The following SNAI1 variants were observed in gnomAD, a reference collection of about 807,000 sequenced individuals.
SNAI1 encodes the protein snail family transcriptional repressor 1, also known as zinc finger protein SNAI1.
In SNAI1, 15 loss-of-function variants were observed where a neutral mutation model predicts 24.7. The ratio of observed to expected loss-of-function variants is 0.61; its 90% CI spans 0.41 to 0.93. The LOEUF (loss-of-function observed/expected upper bound fraction) is 0.93. SNAI1 is among the 40% of genes least tolerant of loss of function. SNAI1 has a pLI of 0.00. For missense variants in SNAI1, 283 were observed against 336.7 expected (o/e 0.84, Z 1.25); for synonymous variants, 163 against 142.9 (o/e 1.14, Z -1.00).
intron 2 of SNAI1, 52 bp downstream of exon 2, chr20:49,984,403 G>A: frequency 6.7e-7 from 1 of 1,488,998 alleles, no homozygotes; most frequent in Non-Finnish European, 9.0e-7. Context: ...CAGCTTTTGT[G>A]AATCTGGGCT....
chr20:49,984,493 T>C (rs1044865966), intron 2 of SNAI1, 142 bp downstream of exon 2: 53 of 861,460 alleles, frequency 6.2e-5, no homozygotes, highest in Non-Finnish European at 8.3e-5. Context: ...GGCCTGGCTC[T>C]CTGGAAACGT....
In SNAI1 at chr20:49,984,160, C is replaced by T. The variant is rs1485334243; in HGVS notation, c.419C>T (p.Ala140Val). ...TTGGGCCAAGTGCCCAAGCAGCTGG[C>T]CCAGCTCTCTGAGGCCAAGGATCTC... The part of the protein sequence containing the change: ...PGLGQVPKQL[A>V]QLSEAKDLQA... The change falls in exon 2 of 3, where the codon GCC (alanine) becomes GTC (valine). Residue 140 changes from alanine (A) to valine (V), a missense_variant. By Grantham distance (64) the Ala-to-Val change is moderately conservative. Transcript: ENST00000244050. 6.2e-7 allele frequency: 1 copy of T among 1,614,126 alleles called. No individual in the cohort carries two copies. The highest frequency in any genetic ancestry group is 1.7e-5 in the Admixed American group (1 of 60,016).
rs367837876 is a variant in SNAI1, at chr20:49,986,412, C to T, written c.611-1460C>T. Among the ~76,000 whole-genome samples, 186 of 152,260 alleles carry T rather than the reference C, an allele frequency of 1.2e-3. 4 individuals are homozygous for T. Among genetic ancestry groups the T allele is most frequent in the Middle Eastern group, 0.01 (3 of 294 alleles). ...ATTGGAGCCATCCTCTGGACTCTCT[C>T]CTACCCTGGTAGCTCAGTGTGGCAC... On this transcript the variant is annotated intron_variant, in intron 2 of 2. Transcript: ENST00000244050.
chr20:49,982,992 C>A lies in SNAI1; in HGVS notation c.-68C>A. ...CGCTGCTGCATTCATTGCGCCGCGG[C>A]ACGGCCTAGCGAGTGGTTCTTCTGC... On this transcript the variant is annotated 5_prime_UTR_variant, in exon 1 of 3. Transcript: ENST00000244050. The A allele has an allele frequency of 3.6e-6, 4 of 1,098,192 alleles. No homozygotes were observed. Among genetic ancestry groups the A allele is most frequent in the Non-Finnish European group, 5.4e-6 (4 of 741,238 alleles). The allele number at this position is 1,098,192 out of a possible 1,614,324, so 68.0% of individuals were successfully genotyped here. A position where few individuals can be genotyped will look rare whatever the true frequency, so the allele number is the denominator to read the frequency against.
Position 49,987,120 on chromosome 20 carries a change from A to C in SNAI1, c.611-752A>C, listed in dbSNP as rs539712513. On this transcript the variant is annotated intron_variant, in intron 2 of 2. Transcript: ENST00000244050. ...GGGCCCAGGCCCTGGGCTGGGGCTC[A>C]GAAGGGACTCAAAGGAGGCCCTTGC... 2.4e-3 allele frequency among the ~76,000 whole-genome samples: 367 copies of C among 152,328 alleles called. 1 individual carries two copies. Among genetic ancestry groups the C allele is most frequent in the African/African-American group, 7.8e-3 (326 of 41,566 alleles).
chr20:49,983,262 C>A, intron 1 of SNAI1, 121 bp downstream of exon 1: 2 of 787,878 alleles, frequency 2.5e-6, no homozygotes, highest in South Asian at 1.5e-5. Context: ...GTTTTGTGGA[C>A]CATTGCGGGC....
At position 49,987,897 on chromosome 20, in the gene SNAI1, C is replaced by G. The variant is rs1198641175; in HGVS notation, c.636C>G (p.His212Gln). ...HTGEKPFSCP[H>Q]CSRAFADRSN... ...GCGAGAAGCCCTTCTCCTGTCCCCA[C>G]TGCAGCCGTGCCTTCGCTGACCGCT... The change falls in exon 3 of 3, where the codon CAC becomes CAG. Residue 212 changes from histidine (H) to glutamine (Q), a missense_variant. By Grantham distance (24) the His-to-Gln change is conservative (BLOSUM62 0). Coordinates refer to ENST00000244050, the MANE Select transcript of SNAI1 (RefSeq NM_005985.4). The G allele has an allele frequency of 6.2e-7, 1 of 1,614,140 alleles. No homozygotes were observed. Among genetic ancestry groups the G allele is most frequent in the Non-Finnish European group, 8.5e-7 (1 of 1,180,016 alleles).
rs773103954 is a variant in SNAI1, at chr20:49,983,096, C to T, written c.37C>T (p.Pro13Ser). Residue 13 changes from proline to serine, a missense_variant, in exon 1 of 3, where the codon CCC becomes TCC. Transcript: ENST00000244050. ...RSFLVRKPSD[P>S]NRKPNYSELQ... ...TTTCCTCGTCAGGAAGCCCTCCGAC[C>T]CCAATCGGAAGCCTAACTACAGCGA... The T allele has an allele frequency of 1.9e-6, 3 of 1,613,870 alleles. No individual in the cohort carries two copies. Among genetic ancestry groups the T allele is most frequent in the Non-Finnish European group, 1.7e-6 (2 of 1,179,958 alleles).
rs1600889420 is a variant in SNAI1, at chr20:49,988,614, C to T, written c.*558C>T. 1 of 152,776 alleles carries T rather than the reference C, an allele frequency of 6.5e-6. No homozygotes were observed. The highest frequency in any genetic ancestry group is 6.5e-5 in the Admixed American group (1 of 15,286). The allele number at this position is 152,776 out of a possible 1,614,324, so 9.5% of individuals were successfully genotyped here. On this transcript the variant is annotated 3_prime_UTR_variant, in exon 3 of 3. Coordinates refer to ENST00000244050, the MANE Select transcript of SNAI1 (RefSeq NM_005985.4). ...CAGCCTCCTGTTTGGTGGGGTGGCA[C>T]CTGTTTCCCGGGCAATTTAACAATG...
Position 49,987,962 on chromosome 20 carries a change from A to G in SNAI1, c.701A>G (p.Lys234Arg). The change falls in exon 3 of 3, where the codon AAG becomes AGG. Residue 234 changes from lysine (K) to arginine (R), a missense_variant. Transcript: ENST00000244050. The part of the protein sequence containing the change: ...RAHLQTHSDV[K>R]KYQCQACART... The stretch of plus-strand genomic sequence containing the variant: ...CACCTCCAGACCCACTCAGATGTCA[A>G]GAAGTACCAGTGCCAGGCGTGTGCT... 6.2e-7 allele frequency: 1 copy of G among 1,614,020 alleles called. No homozygotes were observed. The highest frequency in any genetic ancestry group is 8.5e-7 in the Non-Finnish European group (1 of 1,179,986).
chr20:49,983,011 C>T lies in SNAI1; in HGVS notation c.-49C>T, dbSNP rs528419106. On this transcript the variant is annotated 5_prime_UTR_variant, in exon 1 of 3. Transcript: ENST00000244050. ...CCGCGGCACGGCCTAGCGAGTGGTT[C>T]TTCTGCGCTACTGCTGCGCGAATCG... 3.0e-5 allele frequency: 40 copies of T among 1,340,528 alleles called. No individual in the cohort carries two copies. Among genetic ancestry groups the T allele is most frequent in the Admixed American group, 9.1e-5 (5 of 55,114 alleles). 83.0% of individuals were successfully genotyped at this position (1,340,528 alleles called of 1,614,324 possible). A position where few individuals can be genotyped will look rare whatever the true frequency, so the allele number is the denominator to read the frequency against.
rs771223681 is a variant in SNAI1, at chr20:49,983,803, ACT to A, written c.83-18_83-17del. 7.7e-6 allele frequency: 12 copies of A among 1,556,264 alleles called. No individual in the cohort carries two copies. The highest frequency in any genetic ancestry group is 1.4e-5 in the African/African-American group (1 of 73,240). On this transcript the variant is annotated intron_variant, in intron 1 of 2. Coordinates refer to ENST00000244050, the MANE Select transcript of SNAI1 (RefSeq NM_005985.4). ...GAGTGAATGATTTAATTAACGCCTG[ACT>A]CTGCTTTTTCTCCCTCAGAGTTTAC...
intron 2 of SNAI1, among the ~76,000 whole-genome samples, chr20:49,985,722 G>A (rs1298019223): frequency 2.0e-5 from 3 of 152,220 alleles, no homozygotes; most frequent in Admixed American, 6.5e-5. Flanking sequence ...AGGTGCATGG[G>A]GCAGCGGTGC....
At chr20:49,986,792 C>T (rs2078335294) in intron 2 of SNAI1, among the ~76,000 whole-genome samples, 1 of 152,120 alleles carries the variant, frequency 6.6e-6, no homozygotes, top group South Asian at 2.1e-4. Flanking sequence ...TAATGGGTTA[C>T]TGTTATGACC....
Position 49,983,938 on chromosome 20 carries a change from C to A in SNAI1, c.197C>A (p.Ala66Glu), listed in dbSNP as rs34261470. Reference protein sequence around the residue: ...LPMLIWDSVLAPQAQPIAWAS... With the variant: ...LPMLIWDSVLEPQAQPIAWAS... ...ATGCTCATCTGGGACTCTGTCCTGG[C>A]GCCCCAAGCCCAGCCAATTGCCTGG... is the stretch of plus-strand genomic sequence containing the variant. Residue 66 changes from alanine to glutamate, a missense_variant, in exon 2 of 3, where the codon GCG (alanine) becomes GAG (glutamate). By Grantham distance (107) the Ala-to-Glu change is moderately radical. Transcript: ENST00000244050. 5 of 1,613,318 alleles carry A rather than the reference C, an allele frequency of 3.1e-6. No homozygotes were observed. The highest frequency in any genetic ancestry group is 4.2e-6 in the Non-Finnish European group (5 of 1,180,006).
Position 49,987,858 on chromosome 20 carries a change from C to T in SNAI1, c.611-14C>T, listed in dbSNP as rs371056563. ...CCCACGGCTCACTCGGCCTTTCTGGCGTTCTCTCCCCAGGCGAGAAGCCCT... is the reference window on the plus strand; with the variant it reads ...CCCACGGCTCACTCGGCCTTTCTGGTGTTCTCTCCCCAGGCGAGAAGCCCT... On this transcript the variant is annotated splice_polypyrimidine_tract_variant and intron_variant, in intron 2 of 2. Coordinates refer to ENST00000244050, the MANE Select transcript of SNAI1 (RefSeq NM_005985.4). The T allele has an allele frequency of 2.1e-4, 344 of 1,612,776 alleles. 1 individual carries two copies. Among genetic ancestry groups the T allele is most frequent in the Admixed American group, 4.0e-4 (24 of 59,974 alleles).
chr20:49,983,011 CTT>C lies in SNAI1; in HGVS notation c.-48_-47del. 4.5e-6 allele frequency: 6 copies of C among 1,340,636 alleles called. 1 individual carries two copies. In the South Asian group the frequency reaches 7.0e-5, roughly 16 times the overall value. 83.0% of individuals were successfully genotyped at this position (1,340,636 alleles called of 1,614,324 possible). A position where few individuals can be genotyped will look rare whatever the true frequency, so the allele number is the denominator to read the frequency against. On this transcript the variant is annotated 5_prime_UTR_variant, in exon 1 of 3. Coordinates refer to ENST00000244050, the MANE Select transcript of SNAI1 (RefSeq NM_005985.4). Reference sequence around the variant, plus strand: ...CCGCGGCACGGCCTAGCGAGTGGTTCTTCTGCGCTACTGCTGCGCGAATCGGC... The same window carrying C: ...CCGCGGCACGGCCTAGCGAGTGGTTCCTGCGCTACTGCTGCGCGAATCGGC...
At position 49,983,155 on chromosome 20, in the gene SNAI1, G is replaced by A; in HGVS notation, c.82+14G>A. On this transcript the variant is annotated intron_variant, in intron 1 of 2. Transcript: ENST00000244050. ...ACTCTAATCCAGGTGCGTTGGAGGG[G>A]TTCTGGGCTCCAGGAGGTTTGGGGG... 6.2e-7 allele frequency: 1 copy of A among 1,604,906 alleles called. No individual in the cohort carries two copies. The highest frequency in any genetic ancestry group is 8.5e-7 in the Non-Finnish European group (1 of 1,172,264).
At chr20:49,984,998 TA>T (rs1600887600) in intron 2 of SNAI1, among the ~76,000 whole-genome samples, 1 of 133,976 alleles carries the variant, frequency 7.5e-6, no homozygotes, top group African/African-American at 3.9e-5. Flanking sequence ...AAAACTATGA[TA>T]GCATATGTTT....
Sources: gnomAD v4.1 joint callset for allele counts (sites outside exome capture counted in the v4.1 genomes callset) on GRCh38, gnomAD v4.1.1 for gene constraint, MANE v1.5 for transcripts, NCBI Gene and HGNC (gene_info 2026-07-23, HGNC 2026-07-21) for gene names.